KLRC3: variants seen among roughly 807,000 people sequenced by gnomAD.
The protein encoded by KLRC3 is killer cell lectin like receptor C3.
Under a neutral mutation model 23.6 loss-of-function variants are expected in KLRC3, and 16 were observed. The observed-to-expected ratio is 0.68, with a 90% CI of 0.46 to 1.03. The LOEUF (loss-of-function observed/expected upper bound fraction) is 1.03. Ranked by LOEUF, KLRC3 falls within the 50% of genes least tolerant of loss-of-function variation. The pLI, the probability that KLRC3 is intolerant of heterozygous loss-of-function variation, is 0.00. For missense variants in KLRC3, 209 were observed against 232.2 expected (o/e 0.90, Z 0.65); for synonymous variants, 70 against 71.8 (o/e 0.98, Z 0.13).
intron 3 of KLRC3, 58 bp downstream of exon 3, chr12:10,418,986 A>G: frequency 3.1e-6 from 1 of 321,866 alleles, no homozygotes; most frequent in Non-Finnish European, 6.1e-6. Flanking sequence ...TACATGCCTT[A>G]AAACAGACAC....
rs370891948 is a variant in KLRC3, at chr12:10,416,648, A to G, written c.587+19T>C. On this transcript the variant is annotated intron_variant, in intron 5 of 6. Coordinates refer to ENST00000396439, the MANE Select transcript of KLRC3 (RefSeq NM_002261.3). Reference sequence around the variant, plus strand: ...TATCCTTTATATTTTTTTATATAGCACCCTATAAAACAACTTACTCATGTT... The same window carrying G: ...TATCCTTTATATTTTTTTATATAGCGCCCTATAAAACAACTTACTCATGTT... 72 of 1,601,214 alleles carry G rather than the reference A, an allele frequency of 4.5e-5. 1 individual carries two copies. In the African/African-American group the frequency reaches 7.6e-4, roughly 17 times the overall value.
intron 5 of KLRC3, among the ~76,000 whole-genome samples, chr12:10,416,235 C>T (rs1466154775): frequency 6.6e-6 from 1 of 152,230 alleles, no homozygotes; most frequent in East Asian, 1.9e-4. Context: ...GATAGTCCAT[C>T]TCAAGCTTGT....
rs367596202 is a variant in KLRC3, at chr12:10,420,349, T to C, written c.187+15A>G. The C allele has an allele frequency of 6.6e-5, 106 of 1,608,210 alleles. No homozygotes were observed. The African/African-American group carries it at 1.3e-3, about 20-fold the overall frequency. ...TCCCAGAACAATAACATTGAAGATA[T>C]ATTTAATGTTTTACCTTGGCAGTCA... On this transcript the variant is annotated intron_variant, in intron 1 of 6. Transcript: ENST00000396439.
intron 6 of KLRC3, 114 bp downstream of exon 6, chr12:10,415,590 C>T (rs1863629167): frequency 6.7e-7 from 1 of 1,486,272 alleles, no homozygotes; most frequent in Non-Finnish European, 9.1e-7. Context: ...GAGCAAATAA[C>T]ACAATTCATT....
intron 5 of KLRC3, among the ~76,000 whole-genome samples, chr12:10,416,099 T>C (rs982013687): frequency 1.3e-5 from 2 of 152,160 alleles, no homozygotes; most frequent in African/African-American, 4.8e-5. Context: ...CAATAAGAGA[T>C]TGACAACAAT....
chr12:10,412,481 C>T lies in KLRC3; in HGVS notation c.*91G>A. On this transcript the variant is annotated 3_prime_UTR_variant, in exon 7 of 7. Transcript: ENST00000396439. ...GCAGAAAAAGTAGATTTTTAAAACA[C>T]AAGCTAAATGGTACATGAGCACTCA... is the stretch of plus-strand genomic sequence containing the variant. The T allele has an allele frequency of 3.0e-6, 2 of 677,002 alleles. No homozygotes were observed. Among genetic ancestry groups the T allele is most frequent in the Middle Eastern group, 2.3e-4 (1 of 4,276 alleles). The allele number at this position is 677,002 out of a possible 1,614,324, so 41.9% of individuals were successfully genotyped here.
chr12:10,415,092 G>A (rs1426784142), intron 6 of KLRC3, among the ~76,000 whole-genome samples: 1 of 152,152 alleles, frequency 6.6e-6, no homozygotes, highest in Non-Finnish European at 1.5e-5. Context: ...GTATGGAAAT[G>A]TCAAGAAGCT....
intron 6 of KLRC3, 49 bp downstream of exon 6, chr12:10,415,655 T>C (rs1863630400): frequency 6.2e-7 from 1 of 1,610,362 alleles, no homozygotes; most frequent in East Asian, 2.2e-5. Context: ...TAAAATTTTA[T>C]CTGATGCACT....
chr12:10,413,593 C>T (rs1863601143), intron 6 of KLRC3, among the ~76,000 whole-genome samples: 1 of 152,010 alleles, frequency 6.6e-6, no homozygotes, highest in Non-Finnish European at 1.5e-5. Flanking sequence ...GATGGCATAA[C>T]TAGTGAATGA....
intron 5 of KLRC3, 49 bp from the exon 6 acceptor site, chr12:10,415,843 C>T (rs1300365538): frequency 1.5e-6 from 2 of 1,357,094 alleles, no homozygotes; most frequent in African/African-American, 1.5e-5. Context: ...TGCAAATGAC[C>T]CATGAGACAA....
intron 4 of KLRC3, among the ~76,000 whole-genome samples, chr12:10,417,979 CAG>C (rs1403394289): frequency 3.3e-5 from 5 of 152,238 alleles, no homozygotes; most frequent in East Asian, 1.9e-4. Context: ...AGGGCATACA[CAG>C]GGGTGGAACT....
In KLRC3 at chr12:10,412,384, T is replaced by C; in HGVS notation, c.*188A>G. Reference sequence around the variant, plus strand: ...AATATTAATATTTGTTGTAAATGACTAATGCTTAAATCAAACTATATAGAG... The same window carrying C: ...AATATTAATATTTGTTGTAAATGACCAATGCTTAAATCAAACTATATAGAG... On this transcript the variant is annotated 3_prime_UTR_variant, in exon 7 of 7. Transcript: ENST00000396439. The C allele has an allele frequency of 5.1e-6, 3 of 583,822 alleles. No individual in the cohort carries two copies. Among genetic ancestry groups the C allele is most frequent in the Non-Finnish European group, 9.0e-6 (3 of 332,030 alleles). The allele number at this position is 583,822 out of a possible 1,614,324, so 36.2% of individuals were successfully genotyped here.
chr12:10,415,896 G>A (rs1353235000), intron 5 of KLRC3, 102 bp from the exon 6 acceptor site: 2 of 850,330 alleles, frequency 2.4e-6, no homozygotes, highest in South Asian at 1.6e-5. Context: ...TTATGAAAAA[G>A]GGTAATTAAA....
intron 6 of KLRC3, 134 bp downstream of exon 6, chr12:10,415,570 C>G: frequency 7.4e-7 from 1 of 1,355,358 alleles, no homozygotes; most frequent in Admixed American, 2.6e-5. Flanking sequence ...TTGGAATTTT[C>G]TTATTATTAG....
chr12:10,416,301 C>T (rs1182896959), intron 5 of KLRC3, among the ~76,000 whole-genome samples: 1 of 152,214 alleles, frequency 6.6e-6, no homozygotes, highest in East Asian at 1.9e-4. Flanking sequence ...TGCGGCCCAA[C>T]ACAAATACAT....
chr12:10,419,747 A>G, intron 2 of KLRC3, 119 bp downstream of exon 2: 1 of 320,482 alleles, frequency 3.1e-6, no homozygotes, highest in South Asian at 2.8e-5. Context: ...ATGAAGTAAT[A>G]GATCTTTGAA....
At chr12:10,415,433 C>G (rs952636148) in intron 6 of KLRC3, among the ~76,000 whole-genome samples, 37 of 152,142 alleles carry the variant, frequency 2.4e-4, no homozygotes, top group African/African-American at 8.9e-4. Flanking sequence ...TATAAACTGA[C>G]CAACATAACA....
intron 6 of KLRC3, among the ~76,000 whole-genome samples, chr12:10,414,491 A>C (rs1863612394): frequency 1.3e-5 from 2 of 151,820 alleles, no homozygotes; most frequent in Admixed American, 6.6e-5. Flanking sequence ...CTGGATATAA[A>C]GTACTAGCCA....
At chr12:10,417,614 G>C (rs1161092952) in intron 4 of KLRC3, among the ~76,000 whole-genome samples, 1 of 150,772 alleles carries the variant, frequency 6.6e-6, no homozygotes, top group East Asian at 2.0e-4. Context: ...CTCATACCAG[G>C]AGACACCAGG....
Sources: allele counts gnomAD v4.1 joint callset (sites outside exome capture counted in the v4.1 genomes callset), GRCh38; gene constraint gnomAD v4.1.1; transcripts MANE v1.5; gene names NCBI Gene and HGNC (gene_info 2026-07-23, HGNC 2026-07-21).